Variants in SGCD observed in about 807,000 individuals in gnomAD.
SGCD encodes sarcoglycan delta, also known as delta-sarcoglycan.
Under a neutral mutation model 36.6 loss-of-function variants are expected in SGCD, and 18 were observed. The observed-to-expected ratio is 0.49, with a 90% CI of 0.34 to 0.73. SGCD has a LOEUF of 0.73. Ranked by LOEUF, SGCD falls within the 30% of genes least tolerant of loss-of-function variation. The pLI is 0.01. For missense variants in SGCD, 387 were observed against 346.7 expected (o/e 1.12, Z -0.92); for synonymous variants, 133 against 130.6 (o/e 1.02, Z -0.12).
chr5:156,436,492 T>A (rs926216974), intron 3 of SGCD, among the ~76,000 whole-genome samples: 5 of 152,214 alleles, frequency 3.3e-5, no homozygotes, highest in African/African-American at 1.2e-4. Flanking sequence ...TTATCTCTGA[T>A]GCTGTAGAAC....
chr5:156,314,325 G>A (rs1003231725), intron 3 of SGCD, among the ~76,000 whole-genome samples: 1 of 151,966 alleles, frequency 6.6e-6, no homozygotes, highest in Non-Finnish European at 1.5e-5. Flanking sequence ...GATGTAAGCT[G>A]CATTGGTTGG....
At chr5:156,576,418 A>G (rs1759958606) in intron 4 of SGCD, among the ~76,000 whole-genome samples, 1 of 152,194 alleles carries the variant, frequency 6.6e-6, no homozygotes, top group African/African-American at 2.4e-5. Flanking sequence ...AGCATGATTT[A>G]TAATCCTTTC....
intron 1 of SGCD, among the ~76,000 whole-genome samples, chr5:156,033,381 C>T (rs988725839): frequency 6.6e-6 from 1 of 152,088 alleles, no homozygotes; most frequent in Non-Finnish European, 1.5e-5. Context: ...TAACCCTCAC[C>T]CTCCTCCCAC....
intron 1 of SGCD, among the ~76,000 whole-genome samples, chr5:156,032,142 A>T (rs1759360330): frequency 7.0e-6 from 1 of 142,806 alleles, no homozygotes. Context: ...AACTTAAAAT[A>T]AAAAAAAAAA....
At chr5:156,692,765 T>C (rs11953043) in intron 7 of SGCD, among the ~76,000 whole-genome samples, 4,173 of 152,300 alleles carry the variant, frequency 0.027, 178 homozygotes, top group African/African-American at 0.092. Flanking sequence ...CAGACTGAGA[T>C]AGGTTATATT....
chr5:156,681,814 A>G (rs1561854887), intron 7 of SGCD, among the ~76,000 whole-genome samples: 1 of 152,262 alleles, frequency 6.6e-6, no homozygotes, highest in African/African-American at 2.4e-5. Flanking sequence ...AGGTTTCATT[A>G]TTCATATTCT....
intron 3 of SGCD, among the ~76,000 whole-genome samples, chr5:156,357,473 G>A (rs1243555250): frequency 6.6e-6 from 1 of 152,166 alleles, no homozygotes; most frequent in Admixed American, 6.5e-5. Context: ...GGCAATGGTG[G>A]TCATTGTATA....
At chr5:156,005,536 C>T (rs889386820) in intron 1 of SGCD, among the ~76,000 whole-genome samples, 5 of 152,032 alleles carry the variant, frequency 3.3e-5, no homozygotes, top group Non-Finnish European at 5.9e-5. Flanking sequence ...CTGCAAGCTC[C>T]ACCTCCCGGG....
At chr5:156,291,555 G>A (rs906591437) in intron 3 of SGCD, among the ~76,000 whole-genome samples, 7 of 151,996 alleles carry the variant, frequency 4.6e-5, no homozygotes, top group African/African-American at 1.7e-4. Context: ...TCCCGTACTT[G>A]TCTATTTGTT....
intron 1 of SGCD, among the ~76,000 whole-genome samples, chr5:155,882,500 C>A (rs1755908777): frequency 6.6e-6 from 1 of 152,180 alleles, no homozygotes; most frequent in Admixed American, 6.5e-5. Flanking sequence ...AAATATATTT[C>A]TTATGAAACT....
At chr5:155,882,211 C>G (rs1755901150) in intron 1 of SGCD, among the ~76,000 whole-genome samples, 3 of 151,816 alleles carry the variant, frequency 2.0e-5, no homozygotes, top group Admixed American at 2.0e-4. Flanking sequence ...CCCAAGTGAT[C>G]CTTGCAAGTA....
chr5:156,528,180 A>G (rs1757721130), intron 4 of SGCD, among the ~76,000 whole-genome samples: 1 of 152,122 alleles, frequency 6.6e-6, no homozygotes, highest in Non-Finnish European at 1.5e-5. Context: ...TTGCTCCACC[A>G]TTTACTAGCC....
intron 1 of SGCD, among the ~76,000 whole-genome samples, chr5:156,327,593 G>C (rs1322617607): frequency 6.6e-6 from 1 of 152,204 alleles, no homozygotes; most frequent in East Asian, 1.9e-4. Context: ...AATTTCAGAT[G>C]AAACTGTCTG....
intron 3 of SGCD, among the ~76,000 whole-genome samples, chr5:156,131,583 A>G (rs551892947): frequency 6.6e-6 from 1 of 152,216 alleles, no homozygotes; most frequent in African/African-American, 2.4e-5. Context: ...GTGTCTATGT[A>G]TTCACTTAAT....
At chr5:156,028,769 T>C (rs1759277854) in intron 1 of SGCD, among the ~76,000 whole-genome samples, 1 of 152,198 alleles carries the variant, frequency 6.6e-6, no homozygotes, top group Admixed American at 6.5e-5. Flanking sequence ...TTTAATATTT[T>C]CTCTGAATCA....
chr5:155,903,875 G>C (rs77195733), intron 1 of SGCD, among the ~76,000 whole-genome samples: 2 of 152,264 alleles, frequency 1.3e-5, no homozygotes, highest in Admixed American at 1.3e-4. Context: ...TACTGTGCGT[G>C]TTCTCCTAGA....
the SGCD span, among the ~76,000 whole-genome samples, chr5:155,805,613 G>A: frequency 1.3e-5 from 2 of 152,192 alleles, no homozygotes; most frequent in Non-Finnish European, 2.9e-5. Context: ...AACCAAAAAT[G>A]TCTCCACTCA....
chr5:156,144,676 A>G (rs1444142525), intron 3 of SGCD, among the ~76,000 whole-genome samples: 1 of 152,106 alleles, frequency 6.6e-6, no homozygotes, highest in Non-Finnish European at 1.5e-5. Flanking sequence ...ATTTTCTCCC[A>G]TTCTGTAGGT....
At chr5:155,977,545 A>G (rs997870058) in intron 1 of SGCD, among the ~76,000 whole-genome samples, 1 of 152,186 alleles carries the variant, frequency 6.6e-6, no homozygotes, top group Admixed American at 6.5e-5. Context: ...ATTTTTCCCT[A>G]TTAATGTGAT....
Sources: gnomAD v4.1 joint callset for allele counts (sites outside exome capture counted in the v4.1 genomes callset) on GRCh38, gnomAD v4.1.1 for gene constraint, MANE v1.5 for transcripts, NCBI Gene and HGNC (gene_info 2026-07-23, HGNC 2026-07-21) for gene names.